SMAP2: variants seen among roughly 807,000 people sequenced by gnomAD.
SMAP2 encodes the protein small ArfGAP2, also known as stromal membrane-associated protein 2.
Under a neutral mutation model 56.4 loss-of-function variants are expected in SMAP2, and 25 were observed. That is an observed-to-expected ratio of 0.44 (90% CI 0.32 to 0.62). SMAP2 has a LOEUF of 0.62. Ranked by LOEUF, SMAP2 falls within the 20% of genes least tolerant of loss-of-function variation. SMAP2 has a pLI of 0.04. For missense variants in SMAP2, 388 were observed against 545.6 expected (o/e 0.71, Z 2.88); for synonymous variants, 157 against 181.7 (o/e 0.86, Z 1.09).
At chr1:40,393,564 G>A in intron 1 of SMAP2, 1 of 793,446 alleles carries the variant, frequency 1.3e-6, no homozygotes, top group Non-Finnish European at 1.7e-6. Flanking sequence ...TTTTTTTTTT[G>A]TGACAGAGTC....
chr1:40,361,636 C>A (rs949122659), intron 1 of SMAP2, among the ~76,000 whole-genome samples: 3 of 152,134 alleles, frequency 2.0e-5, no homozygotes, highest in Non-Finnish European at 4.4e-5. Flanking sequence ...GCAGCATTCA[C>A]CACAAGCTGA....
In SMAP2 at chr1:40,413,012, A is replaced by G. The variant is rs367976366; in HGVS notation, c.403-4A>G. 2 of 1,604,702 alleles carry G rather than the reference A, an allele frequency of 1.2e-6. No homozygotes were observed. The highest frequency in any genetic ancestry group is 1.7e-6 in the Non-Finnish European group (2 of 1,174,586). Reference sequence around the variant, plus strand: ...GTGTTCTTTGTCTTGTTAAATCATTATAGAAAGAAAAAGATGACAAGTGGA... The same window carrying G: ...GTGTTCTTTGTCTTGTTAAATCATTGTAGAAAGAAAAAGATGACAAGTGGA... On this transcript the variant is annotated splice_polypyrimidine_tract_variant and splice_region_variant and intron_variant, in intron 4 of 9. Coordinates refer to ENST00000372718, the MANE Select transcript of SMAP2 (RefSeq NM_022733.3).
intron 1 of SMAP2, among the ~76,000 whole-genome samples, chr1:40,354,548 A>T (rs1644425125): frequency 6.6e-6 from 1 of 151,888 alleles, no homozygotes. Context: ...CATATTGGCC[A>T]GGCTGGTCTC....
intron 1 of SMAP2, among the ~76,000 whole-genome samples, chr1:40,358,379 C>A (rs1167464515): frequency 6.6e-6 from 1 of 152,068 alleles, no homozygotes; most frequent in Non-Finnish European, 1.5e-5. Flanking sequence ...ACTGTCTCTG[C>A]TAAAAATACA....
intron 1 of SMAP2, among the ~76,000 whole-genome samples, chr1:40,359,099 A>G (rs1005430939): frequency 3.3e-5 from 5 of 151,834 alleles, no homozygotes; most frequent in Non-Finnish European, 7.4e-5. Context: ...GTCTATGTGT[A>G]TCTTTTTTTG....
intron 1 of SMAP2, among the ~76,000 whole-genome samples, chr1:40,402,394 A>G (rs180997086): frequency 4.6e-5 from 7 of 152,128 alleles, no homozygotes; most frequent in East Asian, 1.9e-4. Context: ...ATTATTTACT[A>G]TAGTCACTGT....
chr1:40,355,819 A>C (rs923896217), intron 1 of SMAP2, among the ~76,000 whole-genome samples: 2 of 151,984 alleles, frequency 1.3e-5, no homozygotes, highest in Non-Finnish European at 2.9e-5. Context: ...TATGTTGCCA[A>C]GGTTGCTGTG....
intron 1 of SMAP2, among the ~76,000 whole-genome samples, chr1:40,383,989 C>T (rs192873234): frequency 1.4e-3 from 209 of 152,232 alleles, no homozygotes; most frequent in African/African-American, 4.9e-3. Flanking sequence ...CTCTGGCTCC[C>T]GGGTTCAAGT....
chr1:40,375,157 A>T, intron 1 of SMAP2: 2 of 890,602 alleles, frequency 2.2e-6, no homozygotes. Flanking sequence ...CTTGACATTT[A>T]TACAAGCTTC....
chr1:40,412,298 C>G (rs1211056209), intron 4 of SMAP2, among the ~76,000 whole-genome samples: 1 of 152,164 alleles, frequency 6.6e-6, no homozygotes, highest in African/African-American at 2.4e-5. Flanking sequence ...ATTTTACTCT[C>G]TCTTCTCAGC....
intron 1 of SMAP2, among the ~76,000 whole-genome samples, chr1:40,357,659 C>G (rs1287353864): frequency 1.3e-5 from 2 of 152,090 alleles, no homozygotes; most frequent in Non-Finnish European, 2.9e-5. Flanking sequence ...TGCAGTTTCC[C>G]TAGCACCATT....
At chr1:40,390,368 A>T (rs1644704328) in intron 1 of SMAP2, among the ~76,000 whole-genome samples, 5 of 152,194 alleles carry the variant, frequency 3.3e-5, no homozygotes. Context: ...TGCGAAGAGA[A>T]ATTCACATGT....
intron 1 of SMAP2, among the ~76,000 whole-genome samples, chr1:40,389,698 A>G (rs1168361335): frequency 1.3e-5 from 2 of 152,160 alleles, no homozygotes; most frequent in African/African-American, 4.8e-5. Context: ...CATCCTGGGG[A>G]AAAATGTAGC....
At chr1:40,409,882 T>C in intron 4 of SMAP2, 47 bp downstream of exon 4, 1 of 1,236,308 alleles carries the variant, frequency 8.1e-7, no homozygotes, top group African/African-American at 1.5e-5. Flanking sequence ...GTAATGTGCT[T>C]ATTAAATCAG....
At chr1:40,347,598 G>A (rs896622817) in intron 1 of SMAP2, among the ~76,000 whole-genome samples, 32 of 152,056 alleles carry the variant, frequency 2.1e-4, no homozygotes, top group African/African-American at 7.7e-4. Flanking sequence ...CACCTCCCAG[G>A]TTCAAGTGAT....
chr1:40,416,134 T>A, intron 7 of SMAP2, 42 bp from the exon 8 acceptor site: 14 of 1,571,042 alleles, frequency 8.9e-6, no homozygotes, highest in South Asian at 1.2e-5. Context: ...GAGACCCCCA[T>A]GAGAACCATT....
chr1:40,420,345 A>C (rs1425121251), intron 9 of SMAP2, among the ~76,000 whole-genome samples: 1 of 152,230 alleles, frequency 6.6e-6, no homozygotes, highest in African/African-American at 2.4e-5. Flanking sequence ...GCATGAGCCA[A>C]CTTCCAGTGG....
intron 7 of SMAP2, among the ~76,000 whole-genome samples, chr1:40,415,830 C>T (rs556665334): frequency 6.6e-6 from 1 of 152,272 alleles, no homozygotes; most frequent in Non-Finnish European, 1.5e-5. Flanking sequence ...GGAAATTTTA[C>T]AGATGTGGAG....
In SMAP2 at chr1:40,386,741, T is replaced by C. The variant is rs867340611; in HGVS notation, c.103+12518T>C. On this transcript the variant is annotated intron_variant, in intron 1 of 9. Transcript: ENST00000372718. This position sits in a 1 kb window ranked among gnomAD's most constrained non-coding sequence, Gnocchi z 4.1. ...TAATCTAAACATCAGTAAATGCTGG[T>C]TTTTTTTAAAACAACAACAACTTTA... is the stretch of plus-strand genomic sequence containing the variant. Among the ~76,000 whole-genome samples the C allele has an allele frequency of 1.9e-5, 2 of 107,046 alleles. No homozygotes were observed. Among genetic ancestry groups the C allele is most frequent in the South Asian group, 5.8e-4 (2 of 3,430 alleles). The allele number at this position is 107,046 out of a possible 152,430, so 70.2% of individuals were successfully genotyped here. A position where few individuals can be genotyped will look rare whatever the true frequency, so the allele number is the denominator to read the frequency against.
Sources: allele counts gnomAD v4.1 joint callset (sites outside exome capture counted in the v4.1 genomes callset), GRCh38; gene constraint gnomAD v4.1.1; non-coding constraint Gnocchi (gnomAD v3.1); transcripts MANE v1.5; gene names NCBI Gene and HGNC (gene_info 2026-07-23, HGNC 2026-07-21).